The following CRADD variants were observed in gnomAD, a reference collection of about 807,000 sequenced individuals.
CRADD encodes the protein death domain-containing protein CRADD.
In CRADD, 9 loss-of-function variants were observed where a neutral mutation model predicts 15.5. The ratio of observed to expected loss-of-function variants is 0.58; its 90% CI spans 0.35 to 1.01. CRADD has a LOEUF of 1.01. CRADD is among the 50% of genes least tolerant of loss of function. The pLI is 0.02. For missense variants in CRADD, 227 were observed against 250.3 expected (o/e 0.91, Z 0.63); for synonymous variants, 118 against 107.6 (o/e 1.10, Z -0.60).
At chr12:93,814,026 G>A (rs3858603) in intron 2 of CRADD, among the ~76,000 whole-genome samples, 71,592 of 151,868 alleles carry the variant, frequency 0.47, 17,089 homozygotes, top group East Asian at 0.65. Context: ...TTAAGGGCAA[G>A]TGAGGGCAGT....
Position 93,844,939 on chromosome 12 carries a change from C to G in CRADD, c.299-5031C>G, listed in dbSNP as rs191576309. 1.6e-3 allele frequency among the ~76,000 whole-genome samples: 239 copies of G among 152,200 alleles called. 1 individual carries two copies. Among genetic ancestry groups the G allele is most frequent in the Admixed American group, 2.5e-3 (38 of 15,290 alleles). ...TAATACAGATCAATATGGGAAGCAGCTGGTTGAGGAGGTGAGTGGATAGAC... is the reference window on the plus strand; with the variant it reads ...TAATACAGATCAATATGGGAAGCAGGTGGTTGAGGAGGTGAGTGGATAGAC... On this transcript the variant is annotated intron_variant, in intron 2 of 2. Transcript: ENST00000332896.
At chr12:93,759,214 T>G (rs1274385075) in intron 2 of CRADD, among the ~76,000 whole-genome samples, 1 of 152,156 alleles carries the variant, frequency 6.6e-6, no homozygotes, top group African/African-American at 2.4e-5. Context: ...AAATAGTAAT[T>G]GTTGATATAA....
chr12:93,701,468 C>A (rs1293946193), intron 2 of CRADD, among the ~76,000 whole-genome samples: 2 of 152,252 alleles, frequency 1.3e-5, no homozygotes, highest in African/African-American at 4.8e-5. Flanking sequence ...ATGGTCCTAA[C>A]TGGCTGCTGG....
At chr12:93,849,948 G>C (rs145681623) in intron 2 of CRADD, 22 bp from the exon 3 acceptor site, 2 of 1,437,222 alleles carry the variant, frequency 1.4e-6, no homozygotes, top group Middle Eastern at 1.8e-4. Flanking sequence ...TCATTTCACC[G>C]GGGTGTCTTT....
Position 93,817,663 on chromosome 12 carries a change from G to T in CRADD, c.299-32307G>T, listed in dbSNP as rs147868414. Among the ~76,000 whole-genome samples, 267 of 151,398 alleles carry T rather than the reference G, an allele frequency of 1.8e-3. 3 individuals carry two copies. Among genetic ancestry groups the T allele is most frequent in the African/African-American group, 6.3e-3 (261 of 41,226 alleles). ...ACCACAAACACGCATCAGATGAGGA[G>T]CACCTCATCATAAAGCAGGTTGGGG... On this transcript the variant is annotated intron_variant, in intron 2 of 2. Transcript: ENST00000332896.
intron 2 of CRADD, among the ~76,000 whole-genome samples, chr12:93,874,326 C>T: frequency 6.6e-6 from 1 of 151,718 alleles, no homozygotes; most frequent in East Asian, 1.9e-4. Context: ...TGCATCTTTT[C>T]TCTTTTTTTC....
At chr12:93,830,766 A>G (rs755401711) in intron 2 of CRADD, among the ~76,000 whole-genome samples, 1 of 152,178 alleles carries the variant, frequency 6.6e-6, no homozygotes, top group East Asian at 1.9e-4. Context: ...AGTGACTTTA[A>G]TTCTCTTGAC....
At chr12:93,878,059 T>C (rs904186851) in intron 2 of CRADD, among the ~76,000 whole-genome samples, 1 of 152,004 alleles carries the variant, frequency 6.6e-6, no homozygotes, top group Non-Finnish European at 1.5e-5. Flanking sequence ...GCTCTTCAGT[T>C]AGTAGGTGAT....
chr12:93,884,755 C>A (rs1005121904), intron 2 of CRADD, among the ~76,000 whole-genome samples: 1 of 152,138 alleles, frequency 6.6e-6, no homozygotes, highest in African/African-American at 2.4e-5. Flanking sequence ...GTGACAAGAA[C>A]CTGGTTTTAG....
chr12:93,764,904 A>G (rs904736783), intron 2 of CRADD, among the ~76,000 whole-genome samples: 1 of 152,062 alleles, frequency 6.6e-6, no homozygotes, highest in African/African-American at 2.4e-5. Context: ...TCCTCTTTAT[A>G]TAAATGAAAG....
chr12:93,797,785 A>G (rs1957436026), intron 2 of CRADD, among the ~76,000 whole-genome samples: 1 of 152,232 alleles, frequency 6.6e-6, no homozygotes, highest in South Asian at 2.1e-4. Flanking sequence ...ATCAATAGCA[A>G]TATTAAAAAT....
intron 2 of CRADD, among the ~76,000 whole-genome samples, chr12:93,789,357 G>A (rs964716444): frequency 2.0e-5 from 3 of 152,108 alleles, no homozygotes; most frequent in African/African-American, 7.2e-5. Flanking sequence ...CCTTGACATA[G>A]CCAACTCTGC....
intron 2 of CRADD, among the ~76,000 whole-genome samples, chr12:93,874,360 A>T (rs1958444072): frequency 6.6e-6 from 1 of 151,616 alleles, no homozygotes. Flanking sequence ...AGTTTTGTCA[A>T]TTTTGTTTAA....
At chr12:93,819,628 A>G (rs560273087) in intron 2 of CRADD, among the ~76,000 whole-genome samples, 3 of 152,252 alleles carry the variant, frequency 2.0e-5, no homozygotes, top group Non-Finnish European at 4.4e-5. Context: ...CTTCAGGGCA[A>G]TTGTGAGAGG....
At chr12:93,725,140 G>T (rs951719708) in intron 2 of CRADD, among the ~76,000 whole-genome samples, 2 of 152,088 alleles carry the variant, frequency 1.3e-5, no homozygotes, top group African/African-American at 4.8e-5. Context: ...GATTACAGGC[G>T]TGAGCCACCA....
intron 2 of CRADD, among the ~76,000 whole-genome samples, chr12:93,701,254 C>T (rs1209914063): frequency 1.3e-5 from 2 of 151,402 alleles, no homozygotes; most frequent in South Asian, 2.1e-4. Flanking sequence ...TCCTCCTCTT[C>T]CTCCTGTTTC....
intron 2 of CRADD, chr12:93,790,714 T>C (rs892610720): frequency 2.0e-5 from 3 of 152,092 alleles, no homozygotes; most frequent in Non-Finnish European, 4.4e-5. Flanking sequence ...GCTAGAAGAA[T>C]GGAGGATTAT....
chr12:93,794,032 G>T (rs1008410388), intron 2 of CRADD, among the ~76,000 whole-genome samples: 29 of 152,268 alleles, frequency 1.9e-4, no homozygotes, highest in Middle Eastern at 3.4e-3. Context: ...GCCATATGGG[G>T]TGGTTAATTC....
chr12:93,870,344 C>T (rs968780691), intron 2 of CRADD, among the ~76,000 whole-genome samples: 10 of 152,178 alleles, frequency 6.6e-5, no homozygotes, highest in Non-Finnish European at 1.5e-4. Context: ...CATGTCCTCA[C>T]CTCTCCTCAG....
Sources: gnomAD v4.1 joint callset for allele counts (sites outside exome capture counted in the v4.1 genomes callset) on GRCh38, gnomAD v4.1.1 for gene constraint, MANE v1.5 for transcripts, NCBI Gene and HGNC (gene_info 2026-07-23, HGNC 2026-07-21) for gene names.